The following FBF1 variants were observed in gnomAD, a reference collection of about 807,000 sequenced individuals.
FBF1 encodes the protein fas-binding factor 1.
Under a neutral mutation model 147.2 loss-of-function variants are expected in FBF1, and 119 were observed. The ratio of observed to expected loss-of-function variants is 0.81; its 90% CI spans 0.70 to 0.94. The LOEUF is 0.94. Ranked by LOEUF, FBF1 falls within the 40% of genes least tolerant of loss-of-function variation. The probability of loss-of-function intolerance (pLI) is 0.00; values close to 1 mark genes in which losing one functional copy is unlikely to be tolerated. For synonymous variants in FBF1, 601 were observed against 609.0 expected, an observed-to-expected ratio of 0.99 and a Z score of 0.19; for missense variants, 1,449 against 1,500.8, an observed-to-expected ratio of 0.97 and a Z score of 0.57.
chr17:75,929,945 A>ACCG, intron 7 of FBF1, 52 bp downstream of exon 7: 2 of 650,908 alleles, frequency 3.1e-6, no homozygotes, highest in Non-Finnish European at 5.6e-6. Flanking sequence ...AAATATCATG[A>ACCG]CCCCACCCCA....
intron 10 of FBF1, 110 bp downstream of exon 10, chr17:75,926,648 C>A: frequency 6.8e-7 from 1 of 1,480,836 alleles, no homozygotes; most frequent in Non-Finnish European, 9.1e-7. Flanking sequence ...GGACCTTAGA[C>A]CTCTGGTCCC....
Position 75,913,842 on chromosome 17 carries a change from A to T in FBF1, c.3130-23T>A, listed in dbSNP as rs1205215784. The T allele has an allele frequency of 6.3e-6, 10 of 1,585,242 alleles. No homozygotes were observed. The South Asian group carries it at 1.1e-4, about 18-fold the overall frequency. On this transcript the variant is annotated intron_variant, in intron 27 of 29. Transcript: ENST00000636174. ...CTCCTGTCCCCGTTCCCCCAGAAAG[A>T]AGGACTCAGCTGTGAGGTGGGAGGC... is the stretch of plus-strand genomic sequence containing the variant.
chr17:75,912,247 G>T lies in FBF1; in HGVS notation c.3308C>A (p.Pro1103His). The T allele has an allele frequency of 6.2e-7, 1 of 1,611,646 alleles. No individual in the cohort carries two copies. The highest frequency in any genetic ancestry group is 8.5e-7 in the Non-Finnish European group (1 of 1,179,370). ...CCTGGCATGGAGGTGCAAGGGGCTG[G>T]GGTCCAGGCCAGTTGGCGGCTGGCT... is the stretch of plus-strand genomic sequence containing the variant. ...WCSQPPTGLD[P>H]SPLHLHARLA... Residue 1103 changes from proline to histidine, a missense_variant, in exon 29 of 30, where the codon CCC (proline) becomes CAC (histidine). Transcript: ENST00000636174.
chr17:75,915,129 C>G lies in FBF1; in HGVS notation c.2516G>C (p.Arg839Pro). The part of the protein sequence containing the change: ...QSRLLEQERW[R>P]VTAEQSKAES... The stretch of plus-strand genomic sequence containing the variant: ...CGCCTTGGACTGCTCGGCAGTCACC[C>G]GCCAGCGTTCCTGTAGGGCCCAGGG... The change falls in exon 24 of 30, where the codon CGG (arginine) becomes CCG (proline). Residue 839 changes from arginine (R) to proline (P), a missense_variant. Transcript: ENST00000636174. 1.2e-6 allele frequency: 2 copies of G among 1,609,796 alleles called. No individual in the cohort carries two copies. The highest frequency in any genetic ancestry group is 1.7e-6 in the Non-Finnish European group (2 of 1,179,416).
chr17:75,930,333 C>T (rs1403809853), intron 6 of FBF1, among the ~76,000 whole-genome samples: 1 of 152,176 alleles, frequency 6.6e-6, no homozygotes, highest in African/African-American at 2.4e-5. Flanking sequence ...CTGCTACTTC[C>T]CACCCATGCC....
chr17:75,929,946 C>CGGGGG, intron 7 of FBF1, 51 bp downstream of exon 7: 21 of 409,660 alleles, frequency 5.1e-5, no homozygotes, highest in East Asian at 2.1e-4. Flanking sequence ...AATATCATGA[C>CGGGGG]CCCACCCCAC....
At chr17:75,927,991 C>A in intron 8 of FBF1, 85 bp downstream of exon 8, 2 of 1,118,636 alleles carry the variant, frequency 1.8e-6, no homozygotes, top group Non-Finnish European at 2.6e-6. Flanking sequence ...ACGCTTCCTA[C>A]TAGCATCTTC....
rs1182836925 is a variant in FBF1 at position 75,923,635 on chromosome 17, G to T, written c.975C>A (p.Phe325Leu). 3 of 1,600,350 alleles carry T rather than the reference G, an allele frequency of 1.9e-6. No individual in the cohort carries two copies. Among genetic ancestry groups the T allele is most frequent in the Non-Finnish European group, 2.6e-6 (3 of 1,173,394 alleles). ...RQSRRQSVSR[F>L]FADSGADPKG... Reference sequence around the variant, plus strand: ...TGGGGTCTGCGCCACTGTCTGCGAAGAACCTACTTCAAGACAGAAAGGAGG... The same window carrying T: ...TGGGGTCTGCGCCACTGTCTGCGAATAACCTACTTCAAGACAGAAAGGAGG... Residue 325 changes from phenylalanine (F) to leucine (L), a missense_variant, in exon 14 of 30, where the codon TTC becomes TTA. Coordinates refer to ENST00000636174, the MANE Select transcript of FBF1 (RefSeq NM_001319193.2). This position sits in a 1 kb window ranked among gnomAD's most constrained non-coding sequence, Gnocchi z 4.1.
rs376841285 is a variant in FBF1, at chr17:75,926,406, G to T, written c.616C>A (p.Pro206Thr). Residue 206 changes from proline (P) to threonine (T), a missense_variant, in exon 11 of 30, where the codon CCT becomes ACT. Coordinates refer to ENST00000636174, the MANE Select transcript of FBF1 (RefSeq NM_001319193.2). The stretch of plus-strand genomic sequence containing the variant: ...TTTTTTCGGATGGGGGTGTCCCCAG[G>T]AGTTAGAGGAATAGAGGGACCTGAA... Reference protein sequence around the residue: ...RDQGPSIPLTPGDTPIRKKEE... With the variant: ...RDQGPSIPLTTGDTPIRKKEE... 1.6e-5 allele frequency: 26 copies of T among 1,587,890 alleles called. No individual in the cohort carries two copies. Among genetic ancestry groups the T allele is most frequent in the South Asian group, 4.6e-5 (4 of 86,192 alleles).
intron 28 of FBF1, 84 bp from the exon 29 acceptor site, chr17:75,912,391 C>T (rs945436043): frequency 3.8e-6 from 4 of 1,056,600 alleles, no homozygotes; most frequent in African/African-American, 1.6e-5. Context: ...AGAGCTGCTC[C>T]CCCCGCCAGT....
rs764103647 is a variant in FBF1 at position 75,920,475 on chromosome 17, G to T, written c.1675-46C>A. The T allele has an allele frequency of 5.8e-6, 9 of 1,540,842 alleles. No homozygotes were observed. In the East Asian group the frequency reaches 2.1e-4, roughly 36 times the overall value. On this transcript the variant is annotated intron_variant, in intron 17 of 29. Coordinates refer to ENST00000636174, the MANE Select transcript of FBF1 (RefSeq NM_001319193.2). ...TGTTTCTAGTTAGGGAGGGGACAGG[G>T]GCCCAGCTGAGATCAGCTACCTCCT... is the stretch of plus-strand genomic sequence containing the variant.
At position 75,914,175 on chromosome 17, in the gene FBF1, C is replaced by T; in HGVS notation, c.2938G>A (p.Ala980Thr). The T allele has an allele frequency of 6.3e-7, 1 of 1,597,704 alleles. No individual in the cohort carries two copies. The highest frequency in any genetic ancestry group is 1.3e-5 in the African/African-American group (1 of 74,822). The change falls in exon 26 of 30, where the codon GCC (alanine) becomes ACC (threonine). Residue 980 changes from alanine (A) to threonine (T), a missense_variant. Physicochemically the swap from Ala to Thr is moderately conservative, Grantham distance 58 (BLOSUM62 0). Transcript: ENST00000636174. ...CGGAGCTTGACACGCAGGGCGGTGG[C>T]GTTGATCCTCTCCTTCTCCAGCCGC... ...ELRLEKERIN[A>T]TALRVKLRAE...
rs976551137 is a variant in FBF1 at position 75,919,157 on chromosome 17, T to G, written c.2138+511A>C. 7.2e-5 allele frequency among the ~76,000 whole-genome samples: 11 copies of G among 152,122 alleles called. No individual in the cohort carries two copies. ...CCTGGCCTCAAGTGATCCTCCCACC[T>G]CGGCCTCCCAAAGTGCTGGGATTAC... On this transcript the variant is annotated intron_variant, in intron 20 of 29. Coordinates refer to ENST00000636174, the MANE Select transcript of FBF1 (RefSeq NM_001319193.2). This position sits in a 1 kb window ranked among gnomAD's most constrained non-coding sequence, Gnocchi z 5.0.
At chr17:75,926,656 C>A in intron 10 of FBF1, 102 bp downstream of exon 10, 1 of 1,505,936 alleles carries the variant, frequency 6.6e-7, no homozygotes, top group South Asian at 1.3e-5. Context: ...GACCTCTGGT[C>A]CCCACCTGGG....
chr17:75,914,460 T>C lies in FBF1; in HGVS notation c.2815-162A>G, dbSNP rs550689464. On this transcript the variant is annotated intron_variant, in intron 25 of 29. Transcript: ENST00000636174. ...GAAGCCTGGGGCCAAGCCGGAGTGC[T>C]GCCCTCACAAGCCACGTGACTGTGG... The C allele has an allele frequency of 6.7e-5, 77 of 1,145,742 alleles. No homozygotes were observed. The African/African-American group carries it at 9.4e-4, about 14-fold the overall frequency. 71.0% of individuals were successfully genotyped at this position (1,145,742 alleles called of 1,614,324 possible).
intron 25 of FBF1, 118 bp from the exon 26 acceptor site, chr17:75,914,416 G>A: frequency 7.0e-7 from 1 of 1,421,862 alleles, no homozygotes; most frequent in South Asian, 1.4e-5. Flanking sequence ...GGAGCCAGGG[G>A]CTTCCAGGGA....
intron 3 of FBF1, among the ~76,000 whole-genome samples, chr17:75,936,094 C>T (rs184001416): frequency 8.1e-4 from 123 of 152,260 alleles, no homozygotes; most frequent in Admixed American, 2.2e-3. Context: ...GGGTGGATCA[C>T]CTGAAGTCAG....
chr17:75,914,173 G>A lies in FBF1; in HGVS notation c.2940C>T (p.Ala980=), dbSNP rs1194976692. The A allele has an allele frequency of 3.2e-5, 51 of 1,598,600 alleles. No homozygotes were observed. Among genetic ancestry groups the A allele is most frequent in the Non-Finnish European group, 4.3e-5 (51 of 1,175,118 alleles). ...CGCGGAGCTTGACACGCAGGGCGGT[G>A]GCGTTGATCCTCTCCTTCTCCAGCC... ...ELRLEKERIN[A]TALRVKLRAE... The change falls in exon 26 of 30, where the codon GCC becomes GCT. Residue 980 remains alanine, a synonymous_variant. Coordinates refer to ENST00000636174, the MANE Select transcript of FBF1 (RefSeq NM_001319193.2).
Position 75,909,914 on chromosome 17 carries a change from A to T in FBF1, c.*809T>A, listed in dbSNP as rs1413621560. The T allele has an allele frequency of 1.4e-6, 1 of 700,716 alleles. No homozygotes were observed. Among genetic ancestry groups the T allele is most frequent in the Non-Finnish European group, 2.6e-6 (1 of 384,134 alleles). The allele number at this position is 700,716 out of a possible 1,614,324, so 43.4% of individuals were successfully genotyped here. On this transcript the variant is annotated 3_prime_UTR_variant, in exon 30 of 30. Coordinates refer to ENST00000636174, the MANE Select transcript of FBF1 (RefSeq NM_001319193.2). ...GCGGGAGTGGAGGAGGATCAGAGAA[A>T]CCTCTGTAGTTGTGATTGGTTCCTT... is the stretch of plus-strand genomic sequence containing the variant.
Sources: allele counts gnomAD v4.1 joint callset (sites outside exome capture counted in the v4.1 genomes callset), GRCh38; gene constraint gnomAD v4.1.1; non-coding constraint Gnocchi (gnomAD v3.1); transcripts MANE v1.5; gene names NCBI Gene and HGNC (gene_info 2026-07-23, HGNC 2026-07-21).